GRIA3: variants seen among roughly 807,000 people sequenced by gnomAD.
The protein encoded by GRIA3 is glutamate receptor 3.
A neutral mutation model predicts 63.0 loss-of-function variants in GRIA3; 3 were observed. That is an observed-to-expected ratio of 0.05 (90% CI 0.02 to 0.12). The LOEUF (loss-of-function observed/expected upper bound fraction) is 0.12, where lower values mean the gene tolerates loss of function less well. Ranked by LOEUF, GRIA3 falls within the 10% of genes least tolerant of loss-of-function variation. The pLI is 1.00. For synonymous variants in GRIA3, 274 were observed against 257.9 expected (o/e 1.06, Z -0.60); for missense variants, 347 against 700.9 (o/e 0.50, Z 5.70).
intron 2 of GRIA3, among the ~76,000 whole-genome samples, chrX:123,250,029 G>A (rs2044380333): frequency 9.0e-6 from 1 of 111,448 alleles, no homozygotes; most frequent in Admixed American, 9.5e-5. Flanking sequence ...TTTAAAACAA[G>A]CAAAAATAAT....
At chrX:123,204,727 A>G in intron 2 of GRIA3, 1 of 785,590 alleles carries the variant, frequency 1.3e-6, no homozygotes, top group Non-Finnish European at 1.7e-6. Flanking sequence ...AGTTGAGGGG[A>G]AAATGGAAAT....
intron 3 of GRIA3, among the ~76,000 whole-genome samples, chrX:123,280,980 C>T (rs188841787): frequency 9.0e-6 from 1 of 111,700 alleles, no homozygotes; most frequent in Non-Finnish European, 1.9e-5. Context: ...TGCTAAGTGA[C>T]TTACTCAAGG....
rs1195068624 is a variant in GRIA3, at chrX:123,203,589, GACT to G, written c.268+17600_268+17602del. Among the ~76,000 whole-genome samples, 63 of 111,708 alleles carry G rather than the reference GACT, an allele frequency of 5.6e-4. 1 individual carries two copies. The highest frequency in any genetic ancestry group is 1.1e-3 in the Non-Finnish European group (58 of 53,146). On this transcript the variant is annotated intron_variant, in intron 2 of 15. Coordinates refer to ENST00000620443, the MANE Select transcript of GRIA3 (RefSeq NM_007325.5). ...TGAAAGATGCCCCTGATTCTACCAA[GACT>G]TGACTCCTTCAAGTCTGGCCTCCAC...
At chrX:123,416,053 A>G (rs1569433086) in intron 10 of GRIA3, among the ~76,000 whole-genome samples, 1 of 111,767 alleles carries the variant, frequency 8.9e-6, no homozygotes, top group South Asian at 3.8e-4. Context: ...TAGTTTCTCC[A>G]TCTCCAACAT....
intron 3 of GRIA3, among the ~76,000 whole-genome samples, chrX:123,307,796 T>C (rs2044764595): frequency 9.0e-6 from 1 of 111,152 alleles, no homozygotes; most frequent in Non-Finnish European, 1.9e-5. Context: ...ATTCGTTGGC[T>C]ACAGACCTTT....
At chrX:123,264,154 T>C (rs887058340) in intron 3 of GRIA3, among the ~76,000 whole-genome samples, 3 of 111,863 alleles carry the variant, frequency 2.7e-5, no homozygotes, top group Non-Finnish European at 5.6e-5. Context: ...TGGCACTCTA[T>C]CCTCTGTGTT....
chrX:123,215,726 A>T (rs1928142094), intron 2 of GRIA3, among the ~76,000 whole-genome samples: 1 of 111,404 alleles, frequency 9.0e-6, no homozygotes, highest in African/African-American at 3.3e-5. Context: ...GAAAATGGGA[A>T]CTCTTTTTCT....
chrX:123,403,887 C>G (rs1049748505), intron 9 of GRIA3, among the ~76,000 whole-genome samples: 3 of 111,061 alleles, frequency 2.7e-5, no homozygotes, highest in African/African-American at 9.8e-5. Context: ...AGGTCTACCA[C>G]TAACCTGTAA....
intron 2 of GRIA3, among the ~76,000 whole-genome samples, chrX:123,197,393 T>C (rs1046696529): frequency 2.7e-5 from 3 of 111,198 alleles, no homozygotes; most frequent in Non-Finnish European, 5.7e-5. Flanking sequence ...GGTGTGGTGG[T>C]GTGTGCCTGT....
At chrX:123,344,058 G>A (rs949253941) in intron 4 of GRIA3, among the ~76,000 whole-genome samples, 2 of 111,900 alleles carry the variant, frequency 1.8e-5, no homozygotes, top group African/African-American at 6.5e-5. Flanking sequence ...GAGGTAAAAC[G>A]ACTTGTGAAA....
chrX:123,357,169 G>A (rs1853728975), intron 5 of GRIA3, among the ~76,000 whole-genome samples: 1 of 110,853 alleles, frequency 9.0e-6, no homozygotes, highest in Admixed American at 9.6e-5. Flanking sequence ...ATTTCATCCC[G>A]ACTTTGCTCA....
At chrX:123,470,602 C>T (rs1328588721) in intron 13 of GRIA3, among the ~76,000 whole-genome samples, 1 of 111,771 alleles carries the variant, frequency 8.9e-6, no homozygotes, top group Admixed American at 9.5e-5. Flanking sequence ...CTCGGACAGC[C>T]CATTTCCAAA....
At position 123,406,721 on chromosome X, in the gene GRIA3, G is replaced by A. The variant is rs760628499; in HGVS notation, c.1500+1807G>A. The stretch of plus-strand genomic sequence containing the variant: ...AAGATCGGTCCTGGGAACTGAGGCA[G>A]GGCTAAGTGGCAGATGAGATTCAAG... On this transcript the variant is annotated intron_variant, in intron 10 of 15. Transcript: ENST00000620443. Among the ~76,000 whole-genome samples, 23 of 111,347 alleles carry A rather than the reference G, an allele frequency of 2.1e-4. No individual in the cohort carries two copies. In the Middle Eastern group the frequency reaches 0.014, roughly 67 times the overall value.
At chrX:123,403,555 C>A in intron 9 of GRIA3, 36 bp downstream of exon 9, 2 of 818,650 alleles carry the variant, frequency 2.4e-6, no homozygotes, top group Non-Finnish European at 3.7e-6. Flanking sequence ...GCTTTCTGTC[C>A]AGCAAGACTT....
chrX:123,463,704 G>GAAAGAAAGAAAGAGAGAGAAAGAAAGAA (rs1569440922), intron 12 of GRIA3, among the ~76,000 whole-genome samples: 143 of 11,683 alleles, frequency 0.012, 1 homozygote, highest in African/African-American at 0.085. Context: ...GAAAGAAAAA[G>GAAAGAAAGAAAGAGAGAGAAAGAAAGAA]AAAGAAAGAA....
intron 13 of GRIA3, among the ~76,000 whole-genome samples, chrX:123,474,925 C>T (rs1420530627): frequency 9.0e-6 from 1 of 111,104 alleles, no homozygotes; most frequent in Non-Finnish European, 1.9e-5. Flanking sequence ...GAGTTAGTGG[C>T]AGGTGTGGAT....
chrX:123,247,500 C>T (rs185226584), intron 2 of GRIA3, among the ~76,000 whole-genome samples: 3 of 111,099 alleles, frequency 2.7e-5, no homozygotes, highest in South Asian at 3.9e-4. Context: ...TAGTCAGAAA[C>T]GACATCTTCA....
At chrX:123,355,971 G>A (rs989637035) in intron 5 of GRIA3, among the ~76,000 whole-genome samples, 17 of 112,063 alleles carry the variant, frequency 1.5e-4, no homozygotes, top group Admixed American at 3.8e-4. Context: ...GCTTTCAAAT[G>A]TAGTGTGCAT....
At chrX:123,454,564 C>T (rs1056376444) in intron 12 of GRIA3, among the ~76,000 whole-genome samples, 14 of 110,762 alleles carry the variant, frequency 1.3e-4, no homozygotes, top group African/African-American at 4.3e-4. Flanking sequence ...TGGGGGCTGT[C>T]CTGTGCATTG....
Sources: allele counts gnomAD v4.1 joint callset (sites outside exome capture counted in the v4.1 genomes callset), GRCh38; gene constraint gnomAD v4.1.1; transcripts MANE v1.5; gene names NCBI Gene and HGNC (gene_info 2026-07-23, HGNC 2026-07-21).